TENM1: variants seen among roughly 807,000 people sequenced by gnomAD.
TENM1 encodes the protein teneurin-1.
In TENM1, 35 loss-of-function variants were observed where a neutral mutation model predicts 174.8. The ratio of observed to expected loss-of-function variants is 0.20; its 90% CI spans 0.15 to 0.27. The LOEUF is 0.27. Ranked by LOEUF, TENM1 falls within the 10% of genes least tolerant of loss-of-function variation. TENM1 has a pLI of 1.00. For synonymous variants in TENM1, 781 were observed against 798.7 expected (o/e 0.98, Z 0.37); for missense variants, 1,633 against 2,130.1 (o/e 0.77, Z 4.59).
chrX:125,203,971 G>C, the TENM1 span: 1 of 113,003 alleles, frequency 8.8e-6, no homozygotes, highest in East Asian at 2.8e-4. Context: ...TGCCGCTCGG[G>C]CCCCCGCATT....
chrX:124,390,715 A>ATACACCTTAAGAAATACTTTGCC (rs370674191), intron 28 of TENM1, among the ~76,000 whole-genome samples: 215 of 112,270 alleles, frequency 1.9e-3, no homozygotes, highest in African/African-American at 6.5e-3. Context: ...GGTCATCAAT[A>ATACACCTTAAGAAATACTTTGCC]TACACCTTAA....
At chrX:124,776,598 ATC>A (rs897490078) in intron 3 of TENM1, among the ~76,000 whole-genome samples, 7 of 112,334 alleles carry the variant, frequency 6.2e-5, no homozygotes, top group East Asian at 2.8e-4. Context: ...AAAAATATTT[ATC>A]TGTTTATGTG....
At chrX:125,004,066 C>T in the TENM1 span, among the ~76,000 whole-genome samples, 1 of 111,990 alleles carries the variant, frequency 8.9e-6, no homozygotes, top group Non-Finnish European at 1.9e-5. Context: ...GAATGTATGA[C>T]ACCACAATAC....
chrX:124,837,623 A>G (rs1317193170), intron 3 of TENM1, among the ~76,000 whole-genome samples: 3 of 111,870 alleles, frequency 2.7e-5, no homozygotes, highest in Non-Finnish European at 5.6e-5. Context: ...TCATATTACC[A>G]TCCATCCAGG....
intron 14 of TENM1, among the ~76,000 whole-genome samples, chrX:124,549,280 G>A (rs1160959065): frequency 8.9e-6 from 1 of 112,110 alleles, no homozygotes; most frequent in Non-Finnish European, 1.9e-5. Flanking sequence ...TGGAATTGGT[G>A]CATAATGCAC....
At position 124,737,062 on chromosome X, in the gene TENM1, CG is replaced by C; in HGVS notation, c.670del (p.Arg224AlafsTer27). On this transcript the variant is annotated frameshift_variant, in exon 4 of 32. Transcript: ENST00000422452. LOFTEE classifies it high-confidence loss of function. Reference sequence around the variant, plus strand: ...TGGAGCAGCTGGGCTGGGCTGGCTGCGGGTAGTCATTGATCTCCTCTGAAGA... The same window carrying C: ...TGGAGCAGCTGGGCTGGGCTGGCTGCGGTAGTCATTGATCTCCTCTGAAGA... 8.3e-7 allele frequency: 1 copy of C among 1,211,106 alleles called. No homozygotes were observed. The highest frequency in any genetic ancestry group is 1.1e-6 in the Non-Finnish European group (1 of 895,387).
chrX:124,890,777 T>TA (rs1384094621), intron 3 of TENM1, among the ~76,000 whole-genome samples: 4 of 109,868 alleles, frequency 3.6e-5, no homozygotes, highest in African/African-American at 1.0e-4. Flanking sequence ...GGAGGTACCC[T>TA]AAAAAAAACT....
At chrX:124,906,934 T>C (rs924244219) in intron 1 of TENM1, among the ~76,000 whole-genome samples, 6 of 110,783 alleles carry the variant, frequency 5.4e-5, no homozygotes, top group Non-Finnish European at 1.1e-4. Context: ...GTGGAGGATA[T>C]AGGCATTATA....
chrX:125,199,392 T>C, the TENM1 span, among the ~76,000 whole-genome samples: 1 of 112,353 alleles, frequency 8.9e-6, no homozygotes, highest in Non-Finnish European at 1.9e-5. Flanking sequence ...TAGGGGATTA[T>C]CCACCCATGT....
intron 2 of TENM1, among the ~76,000 whole-genome samples, chrX:124,895,771 G>A (rs1204362403): frequency 3.6e-5 from 4 of 112,081 alleles, no homozygotes; most frequent in East Asian, 2.8e-4. Context: ...GGGGCTCACC[G>A]AAAATGAAAA....
In TENM1 at chrX:124,575,034, C is replaced by T. The variant is rs1464814641; in HGVS notation, c.2078-9474G>A. On this transcript the variant is annotated intron_variant, in intron 11 of 31. Transcript: ENST00000422452. ...TATATCAGTAGAACACACGTGCACA[C>T]ATGCATGCACATGCACACATATATA... is the stretch of plus-strand genomic sequence containing the variant. 2.7e-5 allele frequency among the ~76,000 whole-genome samples: 3 copies of T among 112,116 alleles called. No individual in the cohort carries two copies. The East Asian group carries it at 8.4e-4, about 31-fold the overall frequency.
chrX:124,936,723 T>C, intron 1 of TENM1, among the ~76,000 whole-genome samples: 1 of 111,957 alleles, frequency 8.9e-6, no homozygotes, highest in East Asian at 2.8e-4. Context: ...GATGAACAGA[T>C]ATTCAGTGCC....
the TENM1 span, among the ~76,000 whole-genome samples, chrX:124,986,632 TTTTGTTTGTTTG>T: frequency 2.7e-3 from 299 of 111,002 alleles, no homozygotes; most frequent in Middle Eastern, 4.6e-3. Context: ...AGGACTTCTT[TTTTGTTTGTTTG>T]TTTGTTTGTT....
chrX:124,603,797 C>T (rs1333725529), intron 11 of TENM1, among the ~76,000 whole-genome samples: 1 of 111,865 alleles, frequency 8.9e-6, no homozygotes, highest in Non-Finnish European at 1.9e-5. Flanking sequence ...CTTTTCAAGA[C>T]ATGTCCTGTT....
the TENM1 span, among the ~76,000 whole-genome samples, chrX:125,197,085 G>T: frequency 9.0e-6 from 1 of 111,381 alleles, no homozygotes; most frequent in South Asian, 3.7e-4. Context: ...ATGCAACTGG[G>T]AAATTTTCTC....
chrX:124,744,890 G>A (rs780092215), intron 3 of TENM1, among the ~76,000 whole-genome samples: 6 of 111,618 alleles, frequency 5.4e-5, no homozygotes, highest in East Asian at 2.8e-4. Flanking sequence ...AATGCAAATC[G>A]CTCCAATGTT....
chrX:124,946,551 G>A (rs899586916), intron 1 of TENM1, among the ~76,000 whole-genome samples: 1 of 111,132 alleles, frequency 9.0e-6, no homozygotes, highest in Non-Finnish European at 1.9e-5. Context: ...TGGTCAGTAG[G>A]ATAAGAGGAG....
exon 27 of TENM1, chrX:124,405,163 T>C: frequency 8.3e-7 from 1 of 1,211,396 alleles, no homozygotes; most frequent in Non-Finnish European, 1.1e-6. Flanking sequence ...TGACTGCCCC[T>C]GCCAGGATGT....
the TENM1 span, among the ~76,000 whole-genome samples, chrX:124,991,334 G>A: frequency 6.3e-5 from 7 of 111,030 alleles, no homozygotes; most frequent in Non-Finnish European, 1.3e-4. Flanking sequence ...GAGGGATTTT[G>A]TAATGTTCAT....
Sources: allele counts gnomAD v4.1 joint callset (sites outside exome capture counted in the v4.1 genomes callset), GRCh38; gene constraint gnomAD v4.1.1; transcripts MANE v1.5; gene names NCBI Gene and HGNC (gene_info 2026-07-23, HGNC 2026-07-21).